PNPLA5: variants seen among roughly 807,000 people sequenced by gnomAD.
PNPLA5 encodes the protein patatin like domain 5, triacylglycerol lipase, also known as patatin-like phospholipase domain-containing protein 5.
A neutral mutation model predicts 49.1 loss-of-function variants in PNPLA5; 44 were observed. The observed-to-expected ratio is 0.90, with a 90% confidence interval of 0.70 to 1.15. The LOEUF is 1.15. Ranked by LOEUF, PNPLA5 falls within the 50% of genes most tolerant of loss-of-function variation. The pLI is 0.00. For synonymous variants in PNPLA5, 243 were observed against 244.4 expected, an observed-to-expected ratio of 0.99 and a Z score of 0.06; for missense variants, 603 against 564.0, an observed-to-expected ratio of 1.07 and a Z score of -0.70.
In PNPLA5 at chr22:43,881,430, G is replaced by A. The variant is rs1410505913; in HGVS notation, c.1199+128C>T. On this transcript the variant is annotated intron_variant, in intron 8 of 8. Coordinates refer to ENST00000216177, the MANE Select transcript of PNPLA5 (RefSeq NM_138814.4). ...TGCCAATGGCTGCATGAGTAGGCCA[G>A]AGGGACGCAGGTAAGCAGGTGGGCA... The A allele has an allele frequency of 3.1e-6, 3 of 959,884 alleles. No homozygotes were observed. The African/African-American group carries it at 4.9e-5, about 16-fold the overall frequency. 59.5% of individuals were successfully genotyped at this position (959,884 alleles called of 1,614,324 possible). A position where few individuals can be genotyped will look rare whatever the true frequency, so the allele number is the denominator to read the frequency against.
chr22:43,882,095 T>G (rs776696913), intron 7 of PNPLA5, among the ~76,000 whole-genome samples: 2 of 152,162 alleles, frequency 1.3e-5, no homozygotes, highest in Non-Finnish European at 2.9e-5. Flanking sequence ...AATGTCCTCC[T>G]TATCGCCGTC....
In PNPLA5 at chr22:43,886,508, A is replaced by T. The variant is rs200034323; in HGVS notation, c.764-20T>A. 6.3e-7 allele frequency: 1 copy of T among 1,597,438 alleles called. No homozygotes were observed. ...TGAGTCCTGGGTCAGGGGAAGGGAG[A>T]GGATAAGTCAAGCATCTGAGCCTCC... On this transcript the variant is annotated intron_variant, in intron 5 of 8. Transcript: ENST00000216177.
At chr22:43,885,668 T>A (rs2049656830) in intron 6 of PNPLA5, among the ~76,000 whole-genome samples, 1 of 152,186 alleles carries the variant, frequency 6.6e-6, no homozygotes, top group Admixed American at 6.5e-5. Context: ...CATCGTTACA[T>A]GTGCCTGTGG....
chr22:43,880,977 A>G, intron 8 of PNPLA5, 92 bp from the exon 9 acceptor site: 2 of 1,254,752 alleles, frequency 1.6e-6, no homozygotes, highest in Non-Finnish European at 1.0e-6. Flanking sequence ...CAGTGAACCC[A>G]GGTCACTCTT....
chr22:43,880,314 T>G lies in PNPLA5; in HGVS notation c.*481A>C. Reference sequence around the variant, plus strand: ...AATTCAGAAGTCAAGGTTTCCTGAGTGGGGTAGATGCCGGGGGTCACCCCC... The same window carrying G: ...AATTCAGAAGTCAAGGTTTCCTGAGGGGGGTAGATGCCGGGGGTCACCCCC... On this transcript the variant is annotated 3_prime_UTR_variant, in exon 9 of 9. Transcript: ENST00000216177. 2.5e-6 allele frequency: 1 copy of G among 398,162 alleles called. No individual in the cohort carries two copies. Among genetic ancestry groups the G allele is most frequent in the East Asian group, 3.6e-5 (1 of 28,040 alleles). The allele number at this position is 398,162 out of a possible 1,614,324, so 24.7% of individuals were successfully genotyped here.
intron 5 of PNPLA5, among the ~76,000 whole-genome samples, chr22:43,886,831 C>T (rs1439487203): frequency 6.6e-6 from 1 of 152,220 alleles, no homozygotes; most frequent in Non-Finnish European, 1.5e-5. Context: ...TACAGTTACT[C>T]TGAGAATTAA....
In PNPLA5 at chr22:43,892,000, C is replaced by T; in HGVS notation, c.-120G>A. 1 of 1,065,310 alleles carries T rather than the reference C, an allele frequency of 9.4e-7. No individual in the cohort carries two copies. The highest frequency in any genetic ancestry group is 1.3e-6 in the Non-Finnish European group (1 of 771,074). 66.0% of individuals were successfully genotyped at this position (1,065,310 alleles called of 1,614,324 possible). On this transcript the variant is annotated 5_prime_UTR_variant, in exon 1 of 9. Coordinates refer to ENST00000216177, the MANE Select transcript of PNPLA5 (RefSeq NM_138814.4). ...AATGTGGGCTCTGGAGGGAGCCGGG[C>T]TGGGGCTGGTGCTGGTGCTCCCTGC...
At chr22:43,883,964 G>A (rs1004313536) in intron 7 of PNPLA5, among the ~76,000 whole-genome samples, 2 of 152,162 alleles carry the variant, frequency 1.3e-5, no homozygotes, top group Non-Finnish European at 2.9e-5. Context: ...TAGGGCCCAG[G>A]AGGCCGACCA....
In PNPLA5 at chr22:43,880,424, C is replaced by A; in HGVS notation, c.*371G>T. ...TGGCTCCTCTGGTCTCTGACGCGGG[C>A]ATCAGGCACTTTCTCAATCTTCTGT... is the stretch of plus-strand genomic sequence containing the variant. On this transcript the variant is annotated 3_prime_UTR_variant, in exon 9 of 9. Coordinates refer to ENST00000216177, the MANE Select transcript of PNPLA5 (RefSeq NM_138814.4). 3 of 398,784 alleles carry A rather than the reference C, an allele frequency of 7.5e-6. No homozygotes were observed. The highest frequency in any genetic ancestry group is 1.3e-5 in the Non-Finnish European group (3 of 226,186). The allele number at this position is 398,784 out of a possible 1,614,324, so 24.7% of individuals were successfully genotyped here.
chr22:43,889,600 G>A (rs1308787338), intron 3 of PNPLA5, 62 bp from the exon 4 acceptor site: 3 of 1,549,558 alleles, frequency 1.9e-6, no homozygotes, highest in Admixed American at 1.9e-5. Flanking sequence ...CACACTGGCT[G>A]CAGCCGGTGA....
chr22:43,886,910 A>AT (rs1388034696), intron 5 of PNPLA5, among the ~76,000 whole-genome samples: 2 of 152,112 alleles, frequency 1.3e-5, no homozygotes, highest in Non-Finnish European at 2.9e-5. Context: ...ATGCCTCCTG[A>AT]TTGTGTGTTT....
rs1228593160 is a variant in PNPLA5, at chr22:43,886,354, G to T, written c.898C>A (p.Gln300Lys). ...LSLNWKVPHV[Q>K]VKDVPNFEQL... ...TCAAAGTTGGGTACATCCTTGACTT[G>T]CACATGGGGCACTTTCCAGTTGAGA... Residue 300 changes from glutamine to lysine, a missense_variant, in exon 6 of 9, where the codon CAA (glutamine) becomes AAA (lysine). Physicochemically the swap from Gln to Lys is moderately conservative, Grantham distance 53. Coordinates refer to ENST00000216177, the MANE Select transcript of PNPLA5 (RefSeq NM_138814.4). The T allele has an allele frequency of 6.2e-7, 1 of 1,614,038 alleles. No homozygotes were observed. Among genetic ancestry groups the T allele is most frequent in the Admixed American group, 1.7e-5 (1 of 59,996 alleles).
rs752888787 is a variant in PNPLA5, at chr22:43,884,248, T to C, written c.1047A>G (p.Thr349=). Residue 349 remains threonine, a synonymous_variant, in exon 7 of 9, where the codon ACA becomes ACG. Coordinates refer to ENST00000216177, the MANE Select transcript of PNPLA5 (RefSeq NM_138814.4). Reference sequence around the variant, plus strand: ...GGAAGTAGATGTACTCGAAGGGCAGTGTGCAGGGTAGCAGCAGGTACGTCA... The same window carrying C: ...GGAAGTAGATGTACTCGAAGGGCAGCGTGCAGGGTAGCAGCAGGTACGTCA... ...QVLTYLLLPC[T]LPFEYIYFRS... The C allele has an allele frequency of 1.2e-5, 19 of 1,585,234 alleles. No individual in the cohort carries two copies. Among genetic ancestry groups the C allele is most frequent in the Non-Finnish European group, 1.5e-5 (17 of 1,165,532 alleles).
chr22:43,880,675 C>T lies in PNPLA5; in HGVS notation c.*120G>A. ...GCCCCAAGGAACGGGCTCCAAGCTG[C>T]AGGGTCTCCACGGAGATTGGCAGGG... On this transcript the variant is annotated 3_prime_UTR_variant, in exon 9 of 9. Coordinates refer to ENST00000216177, the MANE Select transcript of PNPLA5 (RefSeq NM_138814.4). 9.8e-7 allele frequency: 1 copy of T among 1,022,624 alleles called. No individual in the cohort carries two copies. The allele number at this position is 1,022,624 out of a possible 1,614,324, so 63.3% of individuals were successfully genotyped here.
intron 4 of PNPLA5, 143 bp downstream of exon 4, chr22:43,889,186 G>T (rs1344880529): frequency 6.8e-6 from 6 of 886,832 alleles, no homozygotes; most frequent in Non-Finnish European, 8.6e-6. Context: ...TTAGGATTCA[G>T]GTGTTTGGCT....
chr22:43,889,277 G>T, intron 4 of PNPLA5, 52 bp downstream of exon 4: 1 of 1,595,168 alleles, frequency 6.3e-7, no homozygotes, highest in Non-Finnish European at 8.5e-7. Flanking sequence ...TCTGACTCAC[G>T]GGGCCCTTGA....
intron 2 of PNPLA5, 84 bp from the exon 3 acceptor site, chr22:43,889,948 C>A (rs2049706959): frequency 6.5e-7 from 1 of 1,550,030 alleles, no homozygotes; most frequent in African/African-American, 1.4e-5. Flanking sequence ...CTAATCCCAA[C>A]AGCCTGCAAA....
At chr22:43,880,974 C>T (rs1358060399) in intron 8 of PNPLA5, 89 bp from the exon 9 acceptor site, 3 of 1,257,252 alleles carry the variant, frequency 2.4e-6, no homozygotes, top group East Asian at 3.0e-5. Context: ...CCACAGTGAA[C>T]CCAGGTCACT....
chr22:43,885,017 G>A (rs895351026), intron 6 of PNPLA5, among the ~76,000 whole-genome samples: 16 of 152,196 alleles, frequency 1.1e-4, no homozygotes, highest in African/African-American at 3.6e-4. Context: ...GTCCTAGGAC[G>A]AGTCCTAGCT....
Sources: gnomAD v4.1 joint callset for allele counts (sites outside exome capture counted in the v4.1 genomes callset) on GRCh38, gnomAD v4.1.1 for gene constraint, MANE v1.5 for transcripts, NCBI Gene and HGNC (gene_info 2026-07-23, HGNC 2026-07-21) for gene names.